The following GOLPH3 variants were observed in gnomAD, a reference collection of about 807,000 sequenced individuals.
GOLPH3 encodes coat protein GPP34.
In GOLPH3, 14 loss-of-function variants were observed where a neutral mutation model predicts 28.5. The ratio of observed to expected loss-of-function variants is 0.49; its 90% CI spans 0.32 to 0.77. GOLPH3 has a LOEUF of 0.77. Among genes scored for constraint, GOLPH3 ranks in the 30% least tolerant of loss-of-function variants. GOLPH3 has a pLI of 0.03. For synonymous variants in GOLPH3, 158 were observed against 159.2 expected (o/e 0.99, Z 0.06); for missense variants, 350 against 393.7 (o/e 0.89, Z 0.94).
intron 1 of GOLPH3, among the ~76,000 whole-genome samples, chr5:32,147,745 G>A (rs917580348): frequency 3.9e-5 from 6 of 151,994 alleles, no homozygotes; most frequent in Non-Finnish European, 7.4e-5. Flanking sequence ...ATTTGACAGA[G>A]GCAAAACACT....
intron 1 of GOLPH3, among the ~76,000 whole-genome samples, chr5:32,164,886 G>A (rs1581557635): frequency 6.8e-6 from 1 of 147,896 alleles, no homozygotes; most frequent in South Asian, 2.1e-4. Context: ...ACTTAATAAG[G>A]TAAATTATGT....
chr5:32,131,146 A>G (rs1390570260), intron 3 of GOLPH3, among the ~76,000 whole-genome samples: 2 of 152,238 alleles, frequency 1.3e-5, no homozygotes, highest in East Asian at 3.8e-4. Context: ...TCCAACAAAT[A>G]GACGGTTATT....
chr5:32,152,765 G>A (rs1476673265), intron 1 of GOLPH3, among the ~76,000 whole-genome samples: 1 of 149,974 alleles, frequency 6.7e-6, no homozygotes, highest in Non-Finnish European at 1.5e-5. Context: ...CTGGGCAAGA[G>A]AGTGAGACTC....
chr5:32,151,236 A>G lies in GOLPH3; in HGVS notation c.226-7356T>C, dbSNP rs1746299126. Among the ~76,000 whole-genome samples the G allele has an allele frequency of 3.4e-5, 5 of 146,478 alleles. No homozygotes were observed. The South Asian group carries it at 8.7e-4, about 25-fold the overall frequency. ...AAAGTTGCTTTTTTTTTTTTTTTTA[A>G]TATTTTGAGGCCAGGCACAGTGGCT... On this transcript the variant is annotated intron_variant, in intron 1 of 3. Transcript: ENST00000265070.
chr5:32,170,647 G>C (rs1303541025), intron 1 of GOLPH3, among the ~76,000 whole-genome samples: 1 of 152,078 alleles, frequency 6.6e-6, no homozygotes, highest in Non-Finnish European at 1.5e-5. Flanking sequence ...CTGGTTATTA[G>C]AGTGTAAAGA....
chr5:32,163,074 T>C lies in GOLPH3; in HGVS notation c.225+10736A>G, dbSNP rs1313294510. Among the ~76,000 whole-genome samples the C allele has an allele frequency of 5.3e-5, 8 of 152,220 alleles. No homozygotes were observed. In the East Asian group the frequency reaches 1.5e-3, roughly 29 times the overall value. ...GCCTGGGTGACAGAGCGAGACTCCG[T>C]CTCAAAAATAAAAAATAAAAAAGTA... On this transcript the variant is annotated intron_variant, in intron 1 of 3. Transcript: ENST00000265070.
chr5:32,146,870 C>A (rs1746187544), intron 1 of GOLPH3, among the ~76,000 whole-genome samples: 1 of 151,664 alleles, frequency 6.6e-6, no homozygotes, highest in Non-Finnish European at 1.5e-5. Context: ...TTGGCCCACA[C>A]ATAAAATATA....
At chr5:32,167,512 C>T (rs1184451344) in intron 1 of GOLPH3, among the ~76,000 whole-genome samples, 1 of 152,094 alleles carries the variant, frequency 6.6e-6, no homozygotes, top group African/African-American at 2.4e-5. Context: ...ATGCTCCATA[C>T]AAGAACTCTC....
At chr5:32,139,764 G>A (rs1424445860) in intron 2 of GOLPH3, among the ~76,000 whole-genome samples, 1 of 152,046 alleles carries the variant, frequency 6.6e-6, no homozygotes, top group Non-Finnish European at 1.5e-5. Flanking sequence ...TTCCAACACA[G>A]AAGAGATCAA....
At chr5:32,170,826 T>G (rs1205827335) in intron 1 of GOLPH3, among the ~76,000 whole-genome samples, 1 of 151,874 alleles carries the variant, frequency 6.6e-6, no homozygotes, top group Non-Finnish European at 1.5e-5. Flanking sequence ...GGCTAATCCC[T>G]AAAACCAAAA....
intron 1 of GOLPH3, among the ~76,000 whole-genome samples, chr5:32,166,538 G>A (rs889299164): frequency 7.2e-5 from 11 of 152,126 alleles, no homozygotes; most frequent in Non-Finnish European, 2.9e-5. Flanking sequence ...CAGCATGGCC[G>A]GGCACAGTGG....
chr5:32,157,978 AAAATAAATAAATAAAT>A (rs199592768), intron 1 of GOLPH3, among the ~76,000 whole-genome samples: 746 of 38,636 alleles, frequency 0.019, 44 homozygotes, highest in African/African-American at 0.08. Flanking sequence ...ACTCTGTCTC[AAAATAAATAAATAAAT>A]AAATAAATAA....
chr5:32,135,560 A>G lies in GOLPH3; in HGVS notation c.472+12T>C, dbSNP rs771592780. 10 of 1,536,120 alleles carry G rather than the reference A, an allele frequency of 6.5e-6. No individual in the cohort carries two copies. The East Asian group carries it at 6.7e-5, about 10-fold the overall frequency. On this transcript the variant is annotated intron_variant, in intron 3 of 3. Transcript: ENST00000265070. The stretch of plus-strand genomic sequence containing the variant: ...ACAGAAGTTGGTTTTTGGTTTATTC[A>G]CAGCAGCTTACCACTAAGTAATTCA...
At chr5:32,143,561 CAATT>C (rs1164708926) in intron 2 of GOLPH3, among the ~76,000 whole-genome samples, 184 bp downstream of exon 2, 5 of 152,060 alleles carry the variant, frequency 3.3e-5, no homozygotes, top group Non-Finnish European at 7.4e-5. Flanking sequence ...CCTTAACAAT[CAATT>C]ACATTACTCA....
At chr5:32,146,328 G>GT (rs2111861726) in intron 1 of GOLPH3, among the ~76,000 whole-genome samples, 1 of 151,760 alleles carries the variant, frequency 6.6e-6, no homozygotes, top group South Asian at 2.1e-4. Flanking sequence ...GGGAAGGTTA[G>GT]TAACTGGCAG....
At chr5:32,133,203 G>C (rs115583365) in intron 3 of GOLPH3, among the ~76,000 whole-genome samples, 2,223 of 152,242 alleles carry the variant, frequency 0.015, 21 homozygotes, top group Non-Finnish European at 0.024. Flanking sequence ...AATCAAGTGG[G>C]GACAGTGCAA....
rs1745659817 is a variant in GOLPH3, at chr5:32,125,639, G to A, written c.*573C>T. ...CTTTATAGTTAAAATTATAACAAGTGTAATAATACAATAGATTTACATGGG... is the reference window on the plus strand; with the variant it reads ...CTTTATAGTTAAAATTATAACAAGTATAATAATACAATAGATTTACATGGG... On this transcript the variant is annotated 3_prime_UTR_variant, in exon 4 of 4. Transcript: ENST00000265070. 6.5e-6 allele frequency: 1 copy of A among 152,714 alleles called. No individual in the cohort carries two copies. The highest frequency in any genetic ancestry group is 1.9e-4 in the East Asian group (1 of 5,200). 9.5% of individuals were successfully genotyped at this position (152,714 alleles called of 1,614,324 possible). A position where few individuals can be genotyped will look rare whatever the true frequency, so the allele number is the denominator to read the frequency against.
intron 1 of GOLPH3, among the ~76,000 whole-genome samples, chr5:32,149,061 C>T (rs184657214): frequency 6.6e-6 from 1 of 152,210 alleles, no homozygotes; most frequent in African/African-American, 2.4e-5. Flanking sequence ...TCCTGAGTAT[C>T]TGAACTTGCC....
At chr5:32,144,658 A>AT (rs2111859545) in intron 1 of GOLPH3, among the ~76,000 whole-genome samples, 1 of 152,358 alleles carries the variant, frequency 6.6e-6, no homozygotes, top group East Asian at 1.9e-4. Flanking sequence ...AAACAAATGG[A>AT]TGGCTATAGG....
Sources: gnomAD v4.1 joint callset for allele counts (sites outside exome capture counted in the v4.1 genomes callset) on GRCh38, gnomAD v4.1.1 for gene constraint, MANE v1.5 for transcripts, NCBI Gene and HGNC (gene_info 2026-07-23, HGNC 2026-07-21) for gene names.